SP100: variants seen among roughly 807,000 people sequenced by gnomAD.
The protein encoded by SP100 is nuclear autoantigen Sp-100.
In SP100, 84 loss-of-function variants were observed where a neutral mutation model predicts 130.0. The ratio of observed to expected loss-of-function variants is 0.65; its 90% CI spans 0.54 to 0.77. The LOEUF (loss-of-function observed/expected upper bound fraction) is 0.77, where lower values mean the gene tolerates loss of function less well. Ranked by LOEUF, SP100 falls within the 30% of genes least tolerant of loss-of-function variation. The pLI, the probability that SP100 is intolerant of heterozygous loss-of-function variation, is 0.00. For missense variants in SP100, 978 were observed against 1,052.2 expected (o/e 0.93, Z 0.97); for synonymous variants, 331 against 351.7 (o/e 0.94, Z 0.66).
In SP100 at chr2:230,527,716, G is replaced by A. The variant is rs550097545; in HGVS notation, c.2095-11551G>A. Among the ~76,000 whole-genome samples, 35 of 152,248 alleles carry A rather than the reference G, an allele frequency of 2.3e-4. No homozygotes were observed. The South Asian group carries it at 7.0e-3, about 31-fold the overall frequency. On this transcript the variant is annotated intron_variant, in intron 24 of 28. Coordinates refer to ENST00000340126, the MANE Select transcript of SP100 (RefSeq NM_001080391.2). The stretch of plus-strand genomic sequence containing the variant: ...AAGACACACATAGGCTCAAAATAAA[G>A]GGATGGAGGAAGATCTACGAAGCAA...
At chr2:230,503,639 G>C (rs879920114) in intron 20 of SP100, among the ~76,000 whole-genome samples, 4 of 152,040 alleles carry the variant, frequency 2.6e-5, no homozygotes, top group Non-Finnish European at 4.4e-5. Context: ...CTCTCTCAAT[G>C]TGCAGTTTCT....
At chr2:230,483,407 AG>A (rs1326876524) in intron 17 of SP100, among the ~76,000 whole-genome samples, 2 of 152,202 alleles carry the variant, frequency 1.3e-5, no homozygotes, top group Non-Finnish European at 2.9e-5. Context: ...ACGGCAAGGG[AG>A]ACCACTGGCT....
chr2:230,527,624 G>A (rs923686554), intron 24 of SP100, among the ~76,000 whole-genome samples: 1 of 152,146 alleles, frequency 6.6e-6, no homozygotes, highest in Non-Finnish European at 1.5e-5. Flanking sequence ...AAAAGACATA[G>A]ACTGGCAAAT....
chr2:230,444,982 T>A (rs928881533), intron 4 of SP100, among the ~76,000 whole-genome samples: 6 of 152,184 alleles, frequency 3.9e-5, no homozygotes, highest in African/African-American at 1.4e-4. Flanking sequence ...CTTTATTAGG[T>A]TTCCAGAATA....
intron 20 of SP100, among the ~76,000 whole-genome samples, chr2:230,503,756 G>A (rs1387836476): frequency 6.6e-6 from 1 of 152,204 alleles, no homozygotes; most frequent in South Asian, 2.1e-4. Context: ...ACCCCGAAAG[G>A]TGCCCCATTA....
In SP100 at chr2:230,467,294, A is replaced by G. The variant is rs1054428422; in HGVS notation, c.1291+79A>G. ...GATGCACTGTGCTCTGAGCACACAC[A>G]ACAGCTATCCAGGAGCCAGTTCTCT... On this transcript the variant is annotated intron_variant, in intron 13 of 28. Transcript: ENST00000340126. The G allele has an allele frequency of 3.0e-6, 3 of 1,006,836 alleles. No individual in the cohort carries two copies. The African/African-American group carries it at 4.8e-5, about 16-fold the overall frequency. The allele number at this position is 1,006,836 out of a possible 1,614,324, so 62.4% of individuals were successfully genotyped here.
At chr2:230,486,150 A>G (rs1049573357) in intron 17 of SP100, among the ~76,000 whole-genome samples, 33 of 152,206 alleles carry the variant, frequency 2.2e-4, no homozygotes, top group African/African-American at 7.5e-4. Context: ...GCGGAAGGTG[A>G]AGGGGAAGCA....
chr2:230,542,093 T>A, intron 28 of SP100, 58 bp downstream of exon 28: 1 of 1,545,110 alleles, frequency 6.5e-7, no homozygotes. Flanking sequence ...AAAGTCACTT[T>A]CCCTGTCATC....
At chr2:230,518,871 G>T (rs1691042037) in intron 24 of SP100, among the ~76,000 whole-genome samples, 1 of 152,110 alleles carries the variant, frequency 6.6e-6, no homozygotes, top group Non-Finnish European at 1.5e-5. Flanking sequence ...CTTATCAAAA[G>T]ATTTATTCAA....
In SP100 at chr2:230,488,665, G is replaced by C. The variant is rs191254706; in HGVS notation, c.1601-5751G>C. On this transcript the variant is annotated intron_variant, in intron 17 of 28. Transcript: ENST00000340126. Reference sequence around the variant, plus strand: ...CCTGACCTCATGATCCAACCGCCTCGGCCTCCCAAAGTCCTGGGATTACAG... The same window carrying C: ...CCTGACCTCATGATCCAACCGCCTCCGCCTCCCAAAGTCCTGGGATTACAG... Among the ~76,000 whole-genome samples, 233 of 152,224 alleles carry C rather than the reference G, an allele frequency of 1.5e-3. 3 individuals are homozygous for C. The highest frequency in any genetic ancestry group is 5.3e-3 in the African/African-American group (221 of 41,534).
At chr2:230,527,512 A>G (rs1009061371) in intron 24 of SP100, among the ~76,000 whole-genome samples, 1 of 152,222 alleles carries the variant, frequency 6.6e-6, no homozygotes, top group Non-Finnish European at 1.5e-5. Flanking sequence ...AAGAAACTCC[A>G]TCAATCAACA....
intron 23 of SP100, chr2:230,508,952 C>CACACAA (rs1553643613): frequency 7.9e-6 from 1 of 127,080 alleles, no homozygotes; most frequent in African/African-American, 3.6e-5. Context: ...CACACATACA[C>CACACAA]ACACACACAC....
Position 230,543,170 on chromosome 2 carries a change from A to C in SP100, c.*224A>C. 1 of 374,720 alleles carries C rather than the reference A, an allele frequency of 2.7e-6. No individual in the cohort carries two copies. The highest frequency in any genetic ancestry group is 4.9e-6 in the Non-Finnish European group (1 of 204,094). 23.2% of individuals were successfully genotyped at this position (374,720 alleles called of 1,614,324 possible). A position where few individuals can be genotyped will look rare whatever the true frequency, so the allele number is the denominator to read the frequency against. On this transcript the variant is annotated 3_prime_UTR_variant, in exon 29 of 29. Coordinates refer to ENST00000340126, the MANE Select transcript of SP100 (RefSeq NM_001080391.2). ...ATTGAGGAACATATCCCAAAATAATAAGAGCCATTTATGACAAACCCACAG... is the reference window on the plus strand; with the variant it reads ...ATTGAGGAACATATCCCAAAATAATCAGAGCCATTTATGACAAACCCACAG...
At chr2:230,498,801 A>G (rs1259506428) in intron 19 of SP100, among the ~76,000 whole-genome samples, 2 of 152,198 alleles carry the variant, frequency 1.3e-5, no homozygotes, top group Non-Finnish European at 2.9e-5. Context: ...CAAGGCTGGA[A>G]ATAGTTGCTG....
rs889605948 is a variant in SP100 at position 230,500,824 on chromosome 2, A to G, written c.1721-2242A>G. ...CGCATCAACTACCATACTTGGCCCA[A>G]TCATGGTCTTTGAAACTGATCGATC... On this transcript the variant is annotated intron_variant, in intron 19 of 28. Transcript: ENST00000340126. Among the ~76,000 whole-genome samples the G allele has an allele frequency of 7.2e-5, 11 of 152,158 alleles. No individual in the cohort carries two copies. The South Asian group carries it at 8.3e-4, about 11-fold the overall frequency.
At chr2:230,485,740 T>G (rs930951437) in intron 17 of SP100, among the ~76,000 whole-genome samples, 3 of 152,218 alleles carry the variant, frequency 2.0e-5, no homozygotes, top group African/African-American at 4.8e-5. Context: ...AAATGTTGGG[T>G]TTTACTTTGT....
chr2:230,503,149 A>G (rs368827137), intron 20 of SP100, 39 bp downstream of exon 20: 1 of 1,370,618 alleles, frequency 7.3e-7, no homozygotes, highest in Non-Finnish European at 1.0e-6. Flanking sequence ...ATAATTAAAC[A>G]TTTAATATTT....
chr2:230,418,741 G>A (rs1400161152), intron 2 of SP100, among the ~76,000 whole-genome samples: 1 of 152,082 alleles, frequency 6.6e-6, no homozygotes, highest in Non-Finnish European at 1.5e-5. Context: ...CTGATTCGCA[G>A]TGCTACCCTT....
intron 24 of SP100, chr2:230,515,598 G>A: frequency 3.1e-6 from 5 of 1,601,434 alleles, no homozygotes; most frequent in Non-Finnish European, 2.6e-6. Context: ...AAGATGAAGA[G>A]GATGAACAAG....
Sources: allele counts gnomAD v4.1 joint callset (sites outside exome capture counted in the v4.1 genomes callset), GRCh38; gene constraint gnomAD v4.1.1; transcripts MANE v1.5; gene names NCBI Gene and HGNC (gene_info 2026-07-23, HGNC 2026-07-21).